The following FKBP7 variants were observed in gnomAD, a reference collection of about 807,000 sequenced individuals.
FKBP7 encodes peptidyl-prolyl cis-trans isomerase FKBP7.
FKBP7 carries 24 observed loss-of-function variants against 24.3 expected under a neutral mutation model. The ratio of observed to expected loss-of-function variants is 0.99; its 90% CI spans 0.72 to 1.39. The LOEUF is 1.39. FKBP7 is among the 40% of genes most tolerant of loss of function. FKBP7 has a pLI of 0.00. For synonymous variants in FKBP7, 98 were observed against 92.8 expected, an observed-to-expected ratio of 1.06 and a Z score of -0.32; for missense variants, 257 against 269.5, an observed-to-expected ratio of 0.95 and a Z score of 0.33.
At position 178,463,975 on chromosome 2, in the gene FKBP7, G is replaced by T. The variant is rs1412743697; in HGVS notation, c.*1795C>A. The T allele has an allele frequency of 6.6e-6, 1 of 152,142 alleles. No individual in the cohort carries two copies. The highest frequency in any genetic ancestry group is 2.4e-5 in the African/African-American group (1 of 41,426). 9.4% of individuals were successfully genotyped at this position (152,142 alleles called of 1,614,324 possible). On this transcript the variant is annotated 3_prime_UTR_variant, in exon 4 of 4. Coordinates refer to ENST00000424785, the MANE Select transcript of FKBP7 (RefSeq NM_181342.3). Reference sequence around the variant, plus strand: ...AGTAAATGATTAAGCATGTGAAAAAGTATTAGAAAATTGAGCATAGAAATG... The same window carrying T: ...AGTAAATGATTAAGCATGTGAAAAATTATTAGAAAATTGAGCATAGAAATG...
At chr2:178,473,096 C>T in intron 2 of FKBP7, 1 of 1,305,160 alleles carries the variant, frequency 7.7e-7, no homozygotes, top group Non-Finnish European at 1.0e-6. Context: ...TGTTCTGTGA[C>T]ATGAGACAAG....
At chr2:178,474,213 A>T (rs1684936955) in intron 2 of FKBP7, among the ~76,000 whole-genome samples, 2 of 152,214 alleles carry the variant, frequency 1.3e-5, no homozygotes, top group African/African-American at 4.8e-5. Flanking sequence ...GTGGCTCTAA[A>T]TAGGGTAAGG....
chr2:178,467,456 G>A (rs751286440), intron 3 of FKBP7, among the ~76,000 whole-genome samples: 24 of 151,932 alleles, frequency 1.6e-4, no homozygotes, highest in Non-Finnish European at 7.4e-5. Context: ...TTTAGTTCGT[G>A]TTTCTACTTC....
rs115460906 is a variant in FKBP7 at position 178,475,937 on chromosome 2, G to A, written c.373+1125C>T. ...TCTTGCACATTTGAAGGCTTGTCCT[G>A]TATTGGGGTAATAATGACTGACAGC... is the stretch of plus-strand genomic sequence containing the variant. On this transcript the variant is annotated intron_variant, in intron 2 of 3. Transcript: ENST00000424785. Among the ~76,000 whole-genome samples, 1,477 of 152,336 alleles carry A rather than the reference G, an allele frequency of 9.7e-3. 21 individuals are homozygous for A. Among genetic ancestry groups the A allele is most frequent in the African/African-American group, 0.034 (1,410 of 41,584 alleles).
At chr2:178,467,756 A>G (rs1351728912) in intron 3 of FKBP7, 2 of 152,230 alleles carry the variant, frequency 1.3e-5, no homozygotes, top group Non-Finnish European at 2.9e-5. Context: ...CCAGAAAAGA[A>G]CTTAAGATCA....
At chr2:178,471,858 A>T (rs1429025774) in intron 2 of FKBP7, among the ~76,000 whole-genome samples, 1 of 152,240 alleles carries the variant, frequency 6.6e-6, no homozygotes, top group African/African-American at 2.4e-5. Context: ...GAGAAAACAT[A>T]GAAAGATCTA....
rs988535876 is a variant in FKBP7 at position 178,477,094 on chromosome 2, G to A, written c.341C>T (p.Pro114Leu). 1 of 1,610,682 alleles carries A rather than the reference G, an allele frequency of 6.2e-7. No individual in the cohort carries two copies. Among genetic ancestry groups the A allele is most frequent in the African/African-American group, 1.3e-5 (1 of 74,604 alleles). Residue 114 changes from proline (P) to leucine (L), a missense_variant, in exon 2 of 4, where the codon CCC becomes CTC. Pro to Leu is a moderately conservative substitution (Grantham distance 98). Transcript: ENST00000424785. ...CPGEKRKVVI[P>L]PSFAYGKEGY... ...TTCCTTTCCGTATGCAAATGAAGGG[G>A]GTATAACTACTTTTCGCTTTTCTCC... is the stretch of plus-strand genomic sequence containing the variant.
In FKBP7 at chr2:178,465,741, T is replaced by TA. The variant is rs11336824; in HGVS notation, c.*28dup. ...TTATACATAAAGTACAGTAAATAGC[T>TA]AAAAAAAAAAAGTAGAAATACAAAT... is the stretch of plus-strand genomic sequence containing the variant. On this transcript the variant is annotated 3_prime_UTR_variant, in exon 4 of 4. Transcript: ENST00000424785. 34,959 of 1,152,272 alleles carry TA rather than the reference T, an allele frequency of 0.03. No individual in the cohort carries two copies. The highest frequency in any genetic ancestry group is 0.034 in the Non-Finnish European group (28,019 of 832,816). The allele number at this position is 1,152,272 out of a possible 1,614,324, so 71.4% of individuals were successfully genotyped here.
intron 3 of FKBP7, among the ~76,000 whole-genome samples, chr2:178,466,503 A>T (rs996289764): frequency 2.0e-5 from 3 of 152,150 alleles, no homozygotes; most frequent in African/African-American, 7.2e-5. Context: ...CACACATTAA[A>T]AGTATTGTCC....
At chr2:178,476,376 A>G (rs1314829700) in intron 2 of FKBP7, among the ~76,000 whole-genome samples, 1 of 152,220 alleles carries the variant, frequency 6.6e-6, no homozygotes, top group East Asian at 1.9e-4. Flanking sequence ...ATAACATAAA[A>G]TTTACCATCA....
Position 178,470,914 on chromosome 2 carries a change from G to C in FKBP7, c.374-1129C>G, listed in dbSNP as rs190599587. 1.5e-3 allele frequency among the ~76,000 whole-genome samples: 221 copies of C among 152,202 alleles called. 5 individuals are homozygous for C. In the South Asian group the frequency reaches 0.022, roughly 15 times the overall value. ...TTTTTTTGAGACGGCGTCTCACTCTGTTTCCCAGGCTGGAGTGCAGTGGTG... is the reference window on the plus strand; with the variant it reads ...TTTTTTTGAGACGGCGTCTCACTCTCTTTCCCAGGCTGGAGTGCAGTGGTG... On this transcript the variant is annotated intron_variant, in intron 2 of 3. Transcript: ENST00000424785.
At chr2:178,478,147 A>G (rs2154127283) in intron 1 of FKBP7, 132 bp downstream of exon 1, 1 of 876,026 alleles carries the variant, frequency 1.1e-6, no homozygotes, top group South Asian at 1.7e-5. Flanking sequence ...GATTTTTTTT[A>G]ATGAATAAAG....
intron 2 of FKBP7, chr2:178,473,292 T>C (rs1015433663): frequency 7.8e-6 from 3 of 384,822 alleles, no homozygotes; most frequent in Non-Finnish European, 1.6e-5. Context: ...TTACAATGCC[T>C]AATGTAACGC....
intron 3 of FKBP7, among the ~76,000 whole-genome samples, chr2:178,468,537 G>A (rs1394059063): frequency 2.6e-5 from 4 of 151,544 alleles, no homozygotes; most frequent in Non-Finnish European, 4.4e-5. Flanking sequence ...TGCGGGGATC[G>A]CTTGAGCCCA....
chr2:178,469,767 G>A lies in FKBP7; in HGVS notation c.392C>T (p.Pro131Leu), dbSNP rs140122519. The change falls in exon 3 of 4, where the codon CCG becomes CTG. Residue 131 changes from proline to leucine, a missense_variant. Pro to Leu is a moderately conservative substitution (Grantham distance 98, BLOSUM62 -3). Coordinates refer to ENST00000424785, the MANE Select transcript of FKBP7 (RefSeq NM_181342.3). ...KEGYAEGKIPPDATLIFEIEL... is the reference protein window; with the variant it reads ...KEGYAEGKIPLDATLIFEIEL... ...AATCTCAAAAATCAATGTAGCATCC[G>A]GTGGAATCTTGCCTTCTGCTAAGGG... is the stretch of plus-strand genomic sequence containing the variant. The A allele has an allele frequency of 3.9e-5, 63 of 1,613,166 alleles. No homozygotes were observed. The East Asian group carries it at 4.2e-4, about 11-fold the overall frequency.
At position 178,464,233 on chromosome 2, in the gene FKBP7, G is replaced by C. The variant is rs534275809; in HGVS notation, c.*1537C>G. On this transcript the variant is annotated 3_prime_UTR_variant, in exon 4 of 4. Transcript: ENST00000424785. ...GGTTTGGAAAGAGCAAGTTTCAGAA[G>C]GTAGAAAAAACTTTACTTGTTTGGA... The C allele has an allele frequency of 6.6e-6, 1 of 152,198 alleles. No homozygotes were observed. The highest frequency in any genetic ancestry group is 1.5e-5 in the Non-Finnish European group (1 of 68,030). 9.4% of individuals were successfully genotyped at this position (152,198 alleles called of 1,614,324 possible).
chr2:178,474,019 AC>A (rs369739456), intron 2 of FKBP7, among the ~76,000 whole-genome samples: 294 of 151,296 alleles, frequency 1.9e-3, no homozygotes, highest in Non-Finnish European at 3.4e-3. Flanking sequence ...AAGCACTGAC[AC>A]CCCCCCACCA....
At chr2:178,476,778 A>G (rs1685015961) in intron 2 of FKBP7, among the ~76,000 whole-genome samples, 1 of 147,292 alleles carries the variant, frequency 6.8e-6, no homozygotes, top group Admixed American at 6.8e-5. Context: ...CCTGGCCTCA[A>G]GTGATTCTAC....
At chr2:178,472,853 A>AG (rs1684887989) in intron 2 of FKBP7, among the ~76,000 whole-genome samples, 1 of 141,864 alleles carries the variant, frequency 7.0e-6, no homozygotes, top group Non-Finnish European at 1.6e-5. Context: ...CTCCATCTCA[A>AG]AAAAAAAAAA....
Sources: gnomAD v4.1 joint callset for allele counts (sites outside exome capture counted in the v4.1 genomes callset) on GRCh38, gnomAD v4.1.1 for gene constraint, MANE v1.5 for transcripts, NCBI Gene and HGNC (gene_info 2026-07-23, HGNC 2026-07-21) for gene names.